DLGAP2: variants seen among roughly 807,000 people sequenced by gnomAD.
The protein encoded by DLGAP2 is disks large-associated protein 2.
DLGAP2 carries 26 observed loss-of-function variants against 100.3 expected under a neutral mutation model. That is an observed-to-expected ratio of 0.26 (90% CI 0.19 to 0.36). The LOEUF is 0.36. Among genes scored for constraint, DLGAP2 ranks in the 10% least tolerant of loss-of-function variants. DLGAP2 has a pLI of 1.00. For missense variants in DLGAP2, 1,858 were observed against 1,453.2 expected (o/e 1.28, Z -4.53); for synonymous variants, 886 against 630.1 (o/e 1.41, Z -6.08).
At chr8:1,649,386 T>A (rs1033124687) in intron 8 of DLGAP2, among the ~76,000 whole-genome samples, 1 of 152,184 alleles carries the variant, frequency 6.6e-6, no homozygotes, top group African/African-American at 2.4e-5. Context: ...CATTGCTATT[T>A]ATATTGTCAG....
intron 2 of DLGAP2, among the ~76,000 whole-genome samples, chr8:1,133,884 G>C (rs2129049463): frequency 6.6e-6 from 1 of 151,982 alleles, no homozygotes; most frequent in East Asian, 1.9e-4. Flanking sequence ...TACAAGTGCA[G>C]GTTTGTTACA....
intron 3 of DLGAP2, among the ~76,000 whole-genome samples, chr8:1,449,200 G>T (rs1798069886): frequency 6.6e-6 from 1 of 152,228 alleles, no homozygotes; most frequent in East Asian, 1.9e-4. Context: ...ACAGTTCTCA[G>T]CCCAGCTGAG....
intron 1 of DLGAP2, among the ~76,000 whole-genome samples, chr8:892,577 G>C (rs1183604896): frequency 6.6e-6 from 1 of 152,216 alleles, no homozygotes; most frequent in Non-Finnish European, 1.5e-5. Context: ...GCTAGATGGA[G>C]AAAGCAAATG....
intron 2 of DLGAP2, among the ~76,000 whole-genome samples, chr8:1,146,245 G>T (rs1585101481): frequency 6.6e-6 from 1 of 152,162 alleles, no homozygotes; most frequent in Non-Finnish European, 1.5e-5. Context: ...CACCTCGAAC[G>T]TCTTTTCTTT....
chr8:1,662,879 G>A (rs925890032), intron 8 of DLGAP2, among the ~76,000 whole-genome samples: 3 of 146,914 alleles, frequency 2.0e-5, no homozygotes, highest in Non-Finnish European at 4.5e-5. Context: ...TGGGGTGTGT[G>A]CGCGTGTGTA....
At chr8:975,075 C>A (rs1800128868) in intron 2 of DLGAP2, among the ~76,000 whole-genome samples, 1 of 152,098 alleles carries the variant, frequency 6.6e-6, no homozygotes, top group Non-Finnish European at 1.5e-5. Flanking sequence ...GTCCTGATTC[C>A]AGGAACATTA....
chr8:1,040,980 C>G (rs1184389975), intron 2 of DLGAP2, among the ~76,000 whole-genome samples: 2 of 152,078 alleles, frequency 1.3e-5, no homozygotes, highest in African/African-American at 4.8e-5. Flanking sequence ...TTTCCAGAAA[C>G]AACATACATA....
intron 2 of DLGAP2, among the ~76,000 whole-genome samples, chr8:1,206,963 C>A (rs564792452): frequency 1.2e-4 from 19 of 152,296 alleles, no homozygotes; most frequent in African/African-American, 4.1e-4. Context: ...GACACCGTCT[C>A]GGTGAAACTT....
chr8:1,063,826 C>T (rs928752534), intron 2 of DLGAP2, among the ~76,000 whole-genome samples: 1 of 152,176 alleles, frequency 6.6e-6, no homozygotes, highest in African/African-American at 2.4e-5. Flanking sequence ...TGCCTCTCCA[C>T]ACGGAGGTTT....
chr8:1,437,386 A>C (rs1031663163), intron 3 of DLGAP2, among the ~76,000 whole-genome samples: 1 of 152,246 alleles, frequency 6.6e-6, no homozygotes, highest in African/African-American at 2.4e-5. Context: ...CCCCTCATTA[A>C]GTGGCACATG....
rs560221910 is a variant in DLGAP2, at chr8:1,662,975, CTGTG to C, written c.1811-5348_1811-5345del. On this transcript the variant is annotated intron_variant, in intron 8 of 14. Transcript: ENST00000637795. Reference sequence around the variant, plus strand: ...ACACATGTGTGAGTGTGGGGTATGACTGTGTGTGTACATGTGTGAGTGTGGGGTG... The same window carrying C: ...ACACATGTGTGAGTGTGGGGTATGACTGTGTACATGTGTGAGTGTGGGGTG... Among the ~76,000 whole-genome samples, 70 of 95,244 alleles carry C rather than the reference CTGTG, an allele frequency of 7.3e-4. 2 individuals carry two copies. The South Asian group carries it at 0.023, about 31-fold the overall frequency. The allele number at this position is 95,244 out of a possible 152,430, so 62.5% of individuals were successfully genotyped here. A position where few individuals can be genotyped will look rare whatever the true frequency, so the allele number is the denominator to read the frequency against.
Position 1,125,670 on chromosome 8 carries a change from A to G in DLGAP2, c.74-133181A>G, listed in dbSNP as rs550861205. Among the ~76,000 whole-genome samples, 8 of 152,348 alleles carry G rather than the reference A, an allele frequency of 5.3e-5. No homozygotes were observed. In the East Asian group the frequency reaches 1.3e-3, roughly 26 times the overall value. Reference sequence around the variant, plus strand: ...ACATAAAAATACCCATCACAAATGGATGTTTTCTTACTAATGAGCTTTGAT... The same window carrying G: ...ACATAAAAATACCCATCACAAATGGGTGTTTTCTTACTAATGAGCTTTGAT... On this transcript the variant is annotated intron_variant, in intron 2 of 14. Coordinates refer to ENST00000637795, the MANE Select transcript of DLGAP2 (RefSeq NM_001346810.2).
intron 3 of DLGAP2, among the ~76,000 whole-genome samples, chr8:1,307,439 C>G (rs776760707): frequency 6.6e-6 from 1 of 152,132 alleles, no homozygotes; most frequent in South Asian, 2.1e-4. Flanking sequence ...GAAAGATGTT[C>G]CCATCATGGA....
rs142858776 is a variant in DLGAP2, at chr8:1,367,714, C to G, written c.106+108831C>G. On this transcript the variant is annotated intron_variant, in intron 3 of 14. Transcript: ENST00000637795. The stretch of plus-strand genomic sequence containing the variant: ...GTAACAAAGAGTGTTTAATGCGTGT[C>G]TCATTTAAAACGGTTCCCTATTGCA... Among the ~76,000 whole-genome samples the G allele has an allele frequency of 1.6e-4, 24 of 152,342 alleles. No homozygotes were observed. The East Asian group carries it at 4.2e-3, about 27-fold the overall frequency.
At chr8:1,037,732 T>A (rs567634876) in intron 2 of DLGAP2, among the ~76,000 whole-genome samples, 1 of 152,212 alleles carries the variant, frequency 6.6e-6, no homozygotes, top group Non-Finnish European at 1.5e-5. Context: ...CCCAGCCCCC[T>A]TTTAGCCGCT....
intron 2 of DLGAP2, among the ~76,000 whole-genome samples, chr8:1,224,104 T>C (rs1038268586): frequency 7.2e-5 from 11 of 152,238 alleles, no homozygotes; most frequent in Non-Finnish European, 1.3e-4. Flanking sequence ...AGACAGAATT[T>C]AAACCACATG....
Position 1,501,987 on chromosome 8 carries a change from C to G in DLGAP2, c.172+556C>G, listed in dbSNP as rs75820521. ...CACAGCAAAGCTGGTGCCATATTTGCCATCAGTCTTTTGACATGGAGCTAT... is the reference window on the plus strand; with the variant it reads ...CACAGCAAAGCTGGTGCCATATTTGGCATCAGTCTTTTGACATGGAGCTAT... On this transcript the variant is annotated intron_variant, in intron 4 of 14. Transcript: ENST00000637795. 2.6e-5 allele frequency among the ~76,000 whole-genome samples: 4 copies of G among 152,332 alleles called. No individual in the cohort carries two copies. In the East Asian group the frequency reaches 7.7e-4, roughly 29 times the overall value.
rs114115325 is a variant in DLGAP2, at chr8:1,329,180, A to T, written c.106+70297A>T. On this transcript the variant is annotated intron_variant, in intron 3 of 14. Transcript: ENST00000637795. ...CAGATCAGCCTGGAGTTCTCAAGAG[A>T]TGTGAAGAAACCTTTATGGATTAAA... 3.5e-3 allele frequency among the ~76,000 whole-genome samples: 539 copies of T among 152,340 alleles called. 1 individual carries two copies. Among genetic ancestry groups the T allele is most frequent in the African/African-American group, 0.013 (521 of 41,574 alleles).
chr8:1,390,040 C>A (rs910882778), intron 3 of DLGAP2, among the ~76,000 whole-genome samples: 6 of 152,142 alleles, frequency 3.9e-5, no homozygotes, highest in African/African-American at 1.4e-4. Flanking sequence ...GGAAATGCTT[C>A]CAGGCAGGAA....
Sources: allele counts gnomAD v4.1 joint callset (sites outside exome capture counted in the v4.1 genomes callset), GRCh38; gene constraint gnomAD v4.1.1; transcripts MANE v1.5; gene names NCBI Gene and HGNC (gene_info 2026-07-23, HGNC 2026-07-21).